The following LRRC38 variants were observed in gnomAD, a reference collection of about 807,000 sequenced individuals.
LRRC38 encodes leucine rich repeat containing 38.
Under a neutral mutation model 16.4 loss-of-function variants are expected in LRRC38, and 5 were observed. That is an observed-to-expected ratio of 0.31 (90% CI 0.16 to 0.64). The LOEUF (loss-of-function observed/expected upper bound fraction) is 0.64. LRRC38 is among the 30% of genes least tolerant of loss of function. The pLI is 0.80. For missense variants in LRRC38, 341 were observed against 401.8 expected (o/e 0.85, Z 1.29); for synonymous variants, 191 against 190.2 (o/e 1.00, Z -0.04).
At chr1:13,478,042 A>G (rs1297173484) in intron 1 of LRRC38, among the ~76,000 whole-genome samples, 1 of 152,204 alleles carries the variant, frequency 6.6e-6, no homozygotes, top group Non-Finnish European at 1.5e-5. Context: ...GAAATAGCTT[A>G]TGTGGTACAG....
chr1:13,478,137 T>A (rs1638809909), intron 1 of LRRC38, among the ~76,000 whole-genome samples: 2 of 152,198 alleles, frequency 1.3e-5, no homozygotes, highest in Admixed American at 1.3e-4. Flanking sequence ...ATGACGACCA[T>A]GATTTTACAA....
intron 1 of LRRC38, among the ~76,000 whole-genome samples, chr1:13,495,989 G>A (rs1639075458): frequency 6.6e-6 from 1 of 152,066 alleles, no homozygotes; most frequent in African/African-American, 2.4e-5. Context: ...TACAAAGAGT[G>A]TCTGACATTT....
At chr1:13,488,323 T>C (rs1399089351) in intron 1 of LRRC38, among the ~76,000 whole-genome samples, 2 of 150,796 alleles carry the variant, frequency 1.3e-5, no homozygotes, top group African/African-American at 4.9e-5. Context: ...GGCTGGAGTA[T>C]AGTGGTGGTG....
intron 1 of LRRC38, among the ~76,000 whole-genome samples, chr1:13,488,032 T>TTGTGTGTGTGTGTGTGTGTGTGTG (rs71570140): frequency 2.0e-5 from 3 of 147,104 alleles, no homozygotes; most frequent in African/African-American, 7.6e-5. Context: ...TTGTGTGTGT[T>TTGTGTGTGTGTGTGTGTGTGTGTG]TGTGTGTGTG....
At chr1:13,512,092 TG>T (rs1639280193) in intron 1 of LRRC38, among the ~76,000 whole-genome samples, 1 of 152,192 alleles carries the variant, frequency 6.6e-6, no homozygotes, top group South Asian at 2.1e-4. Context: ...CTGCGGGCAC[TG>T]GTGCTCACAG....
intron 1 of LRRC38, among the ~76,000 whole-genome samples, chr1:13,481,648 G>T (rs952735377): frequency 3.9e-5 from 6 of 152,038 alleles, no homozygotes; most frequent in Non-Finnish European, 8.8e-5. Flanking sequence ...GCCCGCCTTG[G>T]CCTCCCAAAG....
At chr1:13,500,989 G>A (rs10803381) in intron 1 of LRRC38, among the ~76,000 whole-genome samples, 9,409 of 152,126 alleles carry the variant, frequency 0.062, 388 homozygotes, top group East Asian at 0.087. Flanking sequence ...TTCTATGATC[G>A]TGAAGGATTA....
At chr1:13,481,789 C>G (rs1303400047) in intron 1 of LRRC38, among the ~76,000 whole-genome samples, 4 of 26,950 alleles carry the variant, frequency 1.5e-4, no homozygotes, top group African/African-American at 1.5e-3. Context: ...CCCTCTCTCC[C>G]TCTCTCTCTC....
chr1:13,488,146 T>A (rs1638961732), intron 1 of LRRC38, among the ~76,000 whole-genome samples: 1 of 151,948 alleles, frequency 6.6e-6, no homozygotes, highest in African/African-American at 2.4e-5. Context: ...AACAAATATA[T>A]CATTTTCAAT....
intron 1 of LRRC38, among the ~76,000 whole-genome samples, chr1:13,481,750 TCACTTTCTTTCC>T (rs1638862380): frequency 1.6e-5 from 2 of 126,162 alleles, no homozygotes; most frequent in Non-Finnish European, 3.2e-5. Flanking sequence ...TCTCTGCCTC[TCACTTTCTTTCC>T]CTCTCTCTCC....
At chr1:13,493,865 C>A (rs556315697) in intron 1 of LRRC38, among the ~76,000 whole-genome samples, 1 of 152,126 alleles carries the variant, frequency 6.6e-6, no homozygotes, top group Non-Finnish European at 1.5e-5. Flanking sequence ...GAGTTTGAGA[C>A]CAACCTGCCC....
Position 13,475,632 on chromosome 1 carries a change from T to C in LRRC38, c.*214A>G. On this transcript the variant is annotated 3_prime_UTR_variant, in exon 2 of 2. Coordinates refer to ENST00000376085, the MANE Select transcript of LRRC38 (RefSeq NM_001010847.2). This position sits in a 1 kb window ranked among gnomAD's most constrained non-coding sequence, Gnocchi z 4.3. The stretch of plus-strand genomic sequence containing the variant: ...AGGCAGGTTATGCTCCAGGAATAAT[T>C]CCCTCCATCCTTCCTGGGCTTCTGT... 1.7e-6 allele frequency: 1 copy of C among 581,914 alleles called. No individual in the cohort carries two copies. The highest frequency in any genetic ancestry group is 3.0e-6 in the Non-Finnish European group (1 of 337,552). 36.0% of individuals were successfully genotyped at this position (581,914 alleles called of 1,614,324 possible). A position where few individuals can be genotyped will look rare whatever the true frequency, so the allele number is the denominator to read the frequency against.
At chr1:13,488,857 G>A (rs546338991) in intron 1 of LRRC38, among the ~76,000 whole-genome samples, 1 of 152,098 alleles carries the variant, frequency 6.6e-6, no homozygotes, top group East Asian at 1.9e-4. Flanking sequence ...AGGCCGTCGT[G>A]CGAAGGGGGG....
intron 1 of LRRC38, among the ~76,000 whole-genome samples, chr1:13,511,145 T>G (rs925089846): frequency 2.0e-5 from 3 of 152,108 alleles, no homozygotes; most frequent in Non-Finnish European, 4.4e-5. Flanking sequence ...TGAGTCCAGT[T>G]TCTTCCCCAC....
At position 13,513,093 on chromosome 1, in the gene LRRC38, G is replaced by C. The variant is rs1309283756; in HGVS notation, c.501C>G (p.Leu167=). ...LELNDNNLRS[L]SVAALAALPA... The stretch of plus-strand genomic sequence containing the variant: ...GCAGCGCGGCCAGGGCGGCCACGCT[G>C]AGGCTGCGCAGGTTGTTGTCGTTGA... The change falls in exon 1 of 2, where the codon CTC becomes CTG. Residue 167 remains leucine, a synonymous_variant. Coordinates refer to ENST00000376085, the MANE Select transcript of LRRC38 (RefSeq NM_001010847.2). 6.5e-7 allele frequency: 1 copy of C among 1,550,276 alleles called. No individual in the cohort carries two copies. The highest frequency in any genetic ancestry group is 8.7e-7 in the Non-Finnish European group (1 of 1,146,888).
chr1:13,476,085 GGATTTCATCAAGGCCTGA>G lies in LRRC38; in HGVS notation c.632-4_645del, dbSNP rs1638786058. ...CTGCTCTCCATGGGCAGGGAGCACT[GGATTTCATCAAGGCCTGA>G]GAAAAGGCAGGCAGAGGAGAGAGAG... On this transcript the variant is annotated splice_acceptor_variant and splice_polypyrimidine_tract_variant and coding_sequence_variant and intron_variant, in exon 2 of 2. Coordinates refer to ENST00000376085, the MANE Select transcript of LRRC38 (RefSeq NM_001010847.2). LOFTEE classifies it high-confidence loss of function. 6.4e-7 allele frequency: 1 copy of G among 1,550,414 alleles called. No homozygotes were observed. The highest frequency in any genetic ancestry group is 2.0e-5 in the Admixed American group (1 of 50,970).
rs746693001 is a variant in LRRC38, at chr1:13,513,163, T to C, written c.431A>G (p.His144Arg). 93 of 1,550,376 alleles carry C rather than the reference T, an allele frequency of 6.0e-5. No individual in the cohort carries two copies. The highest frequency in any genetic ancestry group is 7.7e-5 in the Non-Finnish European group (88 of 1,146,948). Residue 144 changes from histidine (H) to arginine (R), a missense_variant, in exon 1 of 2, where the codon CAC becomes CGC. Coordinates refer to ENST00000376085, the MANE Select transcript of LRRC38 (RefSeq NM_001010847.2). ...SLANNNLVGV[H>R]EDAFETLESL... ...CTCCAGGGTCTCGAAGGCGTCCTCG[T>C]GCACGCCCACCAGGTTGTTGTTAGC... is the stretch of plus-strand genomic sequence containing the variant.
At chr1:13,497,366 G>A (rs1639091364) in intron 1 of LRRC38, among the ~76,000 whole-genome samples, 1 of 152,076 alleles carries the variant, frequency 6.6e-6, no homozygotes, top group Admixed American at 6.6e-5. Context: ...ACCTCCCTCC[G>A]AGTCAAGGTT....
intron 1 of LRRC38, among the ~76,000 whole-genome samples, chr1:13,498,741 C>A (rs1639111724): frequency 6.6e-6 from 1 of 152,218 alleles, no homozygotes; most frequent in Non-Finnish European, 1.5e-5. Context: ...TTGGCATTAT[C>A]CCCTGCAGGT....
Sources: gnomAD v4.1 joint callset for allele counts (sites outside exome capture counted in the v4.1 genomes callset) on GRCh38, gnomAD v4.1.1 for gene constraint, Gnocchi (gnomAD v3.1) non-coding constraint, MANE v1.5 for transcripts, NCBI Gene and HGNC (gene_info 2026-07-23, HGNC 2026-07-21) for gene names.